The following ANKS1B variants were observed in gnomAD, a reference collection of about 807,000 sequenced individuals.
ANKS1B encodes ankyrin repeat and sterile alpha motif domain-containing protein 1B.
A neutral mutation model predicts 148.3 loss-of-function variants in ANKS1B; 36 were observed. That is an observed-to-expected ratio of 0.24 (90% CI 0.19 to 0.32). ANKS1B has a LOEUF of 0.32. Ranked by LOEUF, ANKS1B falls within the 10% of genes least tolerant of loss-of-function variation. The pLI, the probability that ANKS1B is intolerant of heterozygous loss-of-function variation, is 1.00. For missense variants in ANKS1B, 1,157 were observed against 1,542.6 expected, an observed-to-expected ratio of 0.75 and a Z score of 4.19; for synonymous variants, 542 against 560.8, an observed-to-expected ratio of 0.97 and a Z score of 0.47.
At chr12:98,964,834 G>A (rs2099876445) in intron 17 of ANKS1B, among the ~76,000 whole-genome samples, 1 of 152,120 alleles carries the variant, frequency 6.6e-6, no homozygotes, top group African/African-American at 2.4e-5. Context: ...GCGGGGAAGG[G>A]ACGGTGAGAC....
At chr12:98,903,871 C>A (rs138734384) in intron 17 of ANKS1B, among the ~76,000 whole-genome samples, 2 of 152,206 alleles carry the variant, frequency 1.3e-5, no homozygotes, top group African/African-American at 4.8e-5. Flanking sequence ...AGCTCATTAC[C>A]AACTGAAGAA....
At chr12:99,386,426 C>A (rs943164595) in intron 12 of ANKS1B, 1 of 152,018 alleles carries the variant, frequency 6.6e-6, no homozygotes, top group African/African-American at 2.4e-5. Context: ...GATTCCCAAC[C>A]TCATAAATGG....
chr12:99,938,823 C>T (rs1055775557), intron 1 of ANKS1B, among the ~76,000 whole-genome samples: 3 of 152,100 alleles, frequency 2.0e-5, no homozygotes, highest in Admixed American at 6.5e-5. Context: ...TTCCATTTCC[C>T]GACTAAATGC....
At chr12:98,910,994 G>C (rs922171218) in intron 17 of ANKS1B, among the ~76,000 whole-genome samples, 1 of 152,188 alleles carries the variant, frequency 6.6e-6, no homozygotes, top group Non-Finnish European at 1.5e-5. Context: ...AACATTTATG[G>C]AGATGTCTGC....
At chr12:99,704,233 G>A (rs536069219) in intron 8 of ANKS1B, among the ~76,000 whole-genome samples, 1 of 152,176 alleles carries the variant, frequency 6.6e-6, no homozygotes, top group African/African-American at 2.4e-5. Context: ...GTGGGCTAAC[G>A]TGGGAGGGAT....
At chr12:99,469,831 A>T (rs2096207741) in intron 10 of ANKS1B, among the ~76,000 whole-genome samples, 2 of 152,108 alleles carry the variant, frequency 1.3e-5, no homozygotes, top group Admixed American at 1.3e-4. Flanking sequence ...CATTCATAAA[A>T]AAGTTTGGCT....
Position 98,744,169 on chromosome 12 carries a change from C to T in ANKS1B, c.*1570G>A. 10 of 985,278 alleles carry T rather than the reference C, an allele frequency of 1.0e-5. No homozygotes were observed. The highest frequency in any genetic ancestry group is 1.1e-5 in the Non-Finnish European group (9 of 829,472). 61.0% of individuals were successfully genotyped at this position (985,278 alleles called of 1,614,324 possible). The stretch of plus-strand genomic sequence containing the variant: ...TTAGTGTTATTTAACTCTCATTTTG[C>T]TACATACATATCAACAGTGAATAGG... On this transcript the variant is annotated 3_prime_UTR_variant, in exon 27 of 27. Transcript: ENST00000683438.
At chr12:98,764,683 T>C (rs1391109382) in intron 25 of ANKS1B, among the ~76,000 whole-genome samples, 1 of 152,246 alleles carries the variant, frequency 6.6e-6, no homozygotes, top group East Asian at 1.9e-4. Flanking sequence ...CTTTACTTAT[T>C]GCAGATGCCT....
intron 16 of ANKS1B, among the ~76,000 whole-genome samples, chr12:99,065,207 C>T (rs1201198817): frequency 6.6e-6 from 1 of 152,148 alleles, no homozygotes; most frequent in African/African-American, 2.4e-5. Context: ...TAGTACACTG[C>T]TTTGCTCTTC....
At chr12:98,894,702 A>G in intron 17 of ANKS1B, 1 of 985,616 alleles carries the variant, frequency 1.0e-6, no homozygotes, top group Non-Finnish European at 1.2e-6. Context: ...GGACGCAGAC[A>G]TGTGGCTTGA....
intron 9 of ANKS1B, among the ~76,000 whole-genome samples, chr12:99,637,871 A>T (rs1229083076): frequency 6.6e-6 from 1 of 150,610 alleles, no homozygotes; most frequent in African/African-American, 2.5e-5. Context: ...ACATAAAGAG[A>T]GAAAAAAAGA....
chr12:99,033,614 AGATCGCACCACTGCACTC>A (rs1450939454), intron 17 of ANKS1B, among the ~76,000 whole-genome samples: 5 of 152,114 alleles, frequency 3.3e-5, no homozygotes, highest in Non-Finnish European at 7.3e-5. Flanking sequence ...CAGTGAGCCA[AGATCGCACCACTGCACTC>A]CAGCCTGGGT....
chr12:99,453,719 T>C (rs1198232848), intron 10 of ANKS1B, among the ~76,000 whole-genome samples: 3 of 152,256 alleles, frequency 2.0e-5, no homozygotes, highest in Non-Finnish European at 4.4e-5. Flanking sequence ...AGATAACTAA[T>C]ATAGTAAATG....
chr12:99,129,109 A>C, intron 15 of ANKS1B, among the ~76,000 whole-genome samples: 1 of 152,190 alleles, frequency 6.6e-6, no homozygotes, highest in East Asian at 1.9e-4. Context: ...CTGAGGGTAA[A>C]GCATGGTGTC....
chr12:99,141,547 C>A (rs2153797552), intron 15 of ANKS1B, among the ~76,000 whole-genome samples: 1 of 151,926 alleles, frequency 6.6e-6, no homozygotes, highest in Middle Eastern at 3.4e-3. Flanking sequence ...GCCCAGCATA[C>A]CTTAACTATT....
intron 12 of ANKS1B, among the ~76,000 whole-genome samples, chr12:99,392,925 G>C (rs545487510): frequency 6.8e-5 from 10 of 146,438 alleles, no homozygotes; most frequent in African/African-American, 2.3e-4. Context: ...AAATTAAAAT[G>C]TTCAAAACTG....
rs529953930 is a variant in ANKS1B, at chr12:99,264,503, A to G, written c.1757-17639T>C. ...AAGCGTTTATGATCTTACAGTTTTA[A>G]CCCTTCATGACTGCTTAGTCTGGTT... On this transcript the variant is annotated intron_variant, in intron 12 of 26. Coordinates refer to ENST00000683438, the MANE Select transcript of ANKS1B (RefSeq NM_001352186.2). Among the ~76,000 whole-genome samples the G allele has an allele frequency of 1.0e-3, 154 of 152,026 alleles. 3 individuals are homozygous for G. Among genetic ancestry groups the G allele is most frequent in the Non-Finnish European group, 2.4e-4 (16 of 67,974 alleles).
At chr12:98,806,039 C>T (rs975282156) in intron 20 of ANKS1B, among the ~76,000 whole-genome samples, 11 of 152,190 alleles carry the variant, frequency 7.2e-5, no homozygotes, top group African/African-American at 2.6e-4. Flanking sequence ...ATCTGGCTAA[C>T]TTTTGTATAT....
intron 10 of ANKS1B, among the ~76,000 whole-genome samples, chr12:99,475,777 T>C (rs2096309635): frequency 6.6e-6 from 1 of 151,846 alleles, no homozygotes; most frequent in Admixed American, 6.6e-5. Context: ...CATTAATCAG[T>C]CATATAAAAA....
Sources: allele counts gnomAD v4.1 joint callset (sites outside exome capture counted in the v4.1 genomes callset), GRCh38; gene constraint gnomAD v4.1.1; transcripts MANE v1.5; gene names NCBI Gene and HGNC (gene_info 2026-07-23, HGNC 2026-07-21).